CHLSN: variants seen among roughly 807,000 people sequenced by gnomAD.
CHLSN encodes the protein cholesin, also known as protein cholesin.
At chr7:1,046,757 G>A in the CHLSN span, among the ~76,000 whole-genome samples, 5 of 152,218 alleles carry the variant, frequency 3.3e-5, no homozygotes, top group African/African-American at 1.2e-4. Context: ...GCCACACCCA[G>A]GTCCCTTCCT....
the CHLSN span, among the ~76,000 whole-genome samples, chr7:1,100,416 C>T: frequency 6.6e-6 from 1 of 152,262 alleles, no homozygotes; most frequent in South Asian, 2.1e-4. Flanking sequence ...GTGCAGGCCA[C>T]ACGCAGGCTG....
chr7:1,092,952 C>A, the CHLSN span: 82 of 1,196,186 alleles, frequency 6.9e-5, no homozygotes, highest in South Asian at 5.4e-4. Flanking sequence ...CTCTAAACTG[C>A]GGTCAGATGT....
At chr7:983,863 G>A in the CHLSN span, among the ~76,000 whole-genome samples, 2 of 152,240 alleles carry the variant, frequency 1.3e-5, no homozygotes, top group South Asian at 2.1e-4. Context: ...AGGACAGAGG[G>A]TACGGGGACA....
chr7:1,122,567 G>A, the CHLSN span, among the ~76,000 whole-genome samples: 8 of 152,176 alleles, frequency 5.3e-5, no homozygotes, highest in East Asian at 1.9e-4. Context: ...GACCTGCCGA[G>A]TCACATGACC....
chr7:1,132,893 C>A, the CHLSN span, among the ~76,000 whole-genome samples: 4 of 152,072 alleles, frequency 2.6e-5, no homozygotes, highest in Admixed American at 6.6e-5. Flanking sequence ...GAATGACCAA[C>A]AGGCACATGA....
chr7:1,027,058 C>A, the CHLSN span: 19 of 152,170 alleles, frequency 1.2e-4, no homozygotes, highest in African/African-American at 4.1e-4. Flanking sequence ...GAGAAAAAAA[C>A]CAGAACATGT....
the CHLSN span, among the ~76,000 whole-genome samples, chr7:1,068,713 G>A: frequency 9.9e-5 from 15 of 151,898 alleles, no homozygotes; most frequent in African/African-American, 3.4e-4. Context: ...AGTTTTACTC[G>A]TCTGCAACAT....
At chr7:1,122,815 C>G in the CHLSN span, among the ~76,000 whole-genome samples, 1 of 152,236 alleles carries the variant, frequency 6.6e-6, no homozygotes, top group Non-Finnish European at 1.5e-5. Context: ...TGGGACCCCT[C>G]TGGTCCACAA....
chr7:1,089,361 C>T, the CHLSN span, among the ~76,000 whole-genome samples: 2 of 152,186 alleles, frequency 1.3e-5, no homozygotes, highest in Admixed American at 1.3e-4. Context: ...GTCTTCCCCA[C>T]CCGCCTGTTT....
the CHLSN span, chr7:1,058,224 G>A: frequency 1.2e-5 from 9 of 757,108 alleles, no homozygotes; most frequent in African/African-American, 3.4e-5. Flanking sequence ...GCTGCTGGTG[G>A]CCACCGTGTG....
chr7:1,049,202 GT>G, the CHLSN span, among the ~76,000 whole-genome samples: 2 of 152,154 alleles, frequency 1.3e-5, no homozygotes. Flanking sequence ...CCTGCCCCAC[GT>G]TTCCCCTGCA....
At chr7:1,011,407 A>AC in the CHLSN span, among the ~76,000 whole-genome samples, 1 of 130,130 alleles carries the variant, frequency 7.7e-6, no homozygotes, top group African/African-American at 3.3e-5. Flanking sequence ...ACAGATACCC[A>AC]AACACCCACA....
the CHLSN span, among the ~76,000 whole-genome samples, chr7:1,053,392 A>G: frequency 1.0e-3 from 155 of 152,368 alleles, 5 homozygotes; most frequent in Admixed American, 9.9e-3. Context: ...GCTCAGTGAC[A>G]GGGAGCTGGG....
the CHLSN span, among the ~76,000 whole-genome samples, chr7:1,031,958 G>A: frequency 1.3e-5 from 2 of 152,114 alleles, no homozygotes; most frequent in Admixed American, 1.3e-4. Flanking sequence ...GGGGGTGAGA[G>A]CAACCTGGTC....
At chr7:1,127,397 G>T in the CHLSN span, 1 of 1,595,196 alleles carries the variant, frequency 6.3e-7, no homozygotes. Context: ...CTGCAACAGA[G>T]AAAGTAAATT....
At chr7:1,136,206 A>G in the CHLSN span, among the ~76,000 whole-genome samples, 5 of 116,748 alleles carry the variant, frequency 4.3e-5, no homozygotes, top group Non-Finnish European at 6.4e-5. Flanking sequence ...ACACAAATAT[A>G]TAAATATATA....
At chr7:1,079,492 C>T in the CHLSN span, among the ~76,000 whole-genome samples, 1 of 152,202 alleles carries the variant, frequency 6.6e-6, no homozygotes, top group Admixed American at 6.5e-5. Flanking sequence ...GAGACGGTTT[C>T]GTGAGCTACC....
At chr7:1,083,627 CA>C in the CHLSN span, among the ~76,000 whole-genome samples, 1 of 133,794 alleles carries the variant, frequency 7.5e-6, no homozygotes. Flanking sequence ...GACTCCATCT[CA>C]AAAAAAAAAC....
chr7:989,137 C>T, the CHLSN span: 4 of 379,520 alleles, frequency 1.1e-5, no homozygotes. Context: ...CCCCCCAGGG[C>T]CCCCCAGCAC....
Sources: gnomAD v4.1 joint callset for allele counts (sites outside exome capture counted in the v4.1 genomes callset) on GRCh38, gnomAD v4.1.1 for gene constraint, MANE v1.5 for transcripts, NCBI Gene and HGNC (gene_info 2026-07-23, HGNC 2026-07-21) for gene names.